The following HPGD variants were observed in gnomAD, a reference collection of about 807,000 sequenced individuals.
HPGD encodes the protein 15-hydroxyprostaglandin dehydrogenase [NAD(+)].
A neutral mutation model predicts 30.0 loss-of-function variants in HPGD; 29 were observed. The ratio of observed to expected loss-of-function variants is 0.97; its 90% CI spans 0.72 to 1.32. HPGD has a LOEUF of 1.32. Ranked by LOEUF, HPGD falls within the 40% of genes most tolerant of loss-of-function variation. HPGD has a pLI of 0.00. For missense variants in HPGD, 340 were observed against 322.1 expected, an observed-to-expected ratio of 1.06 and a Z score of -0.43; for synonymous variants, 99 against 112.4, an observed-to-expected ratio of 0.88 and a Z score of 0.75.
At chr4:174,513,474 C>A (rs1735615236) in intron 3 of HPGD, among the ~76,000 whole-genome samples, 2 of 147,818 alleles carry the variant, frequency 1.4e-5, no homozygotes, top group Non-Finnish European at 3.0e-5. Flanking sequence ...TTTTTTTTTA[C>A]CAGCATAAGA....
At chr4:174,512,598 A>G (rs1579296350) in intron 3 of HPGD, among the ~76,000 whole-genome samples, 1 of 152,346 alleles carries the variant, frequency 6.6e-6, no homozygotes, top group East Asian at 1.9e-4. Context: ...TATTTGCATT[A>G]CAGTAACAGA....
Position 174,508,292 on chromosome 4 carries a change from T to A in HPGD, c.421+404A>T, listed in dbSNP as rs1201874276. 2.2e-5 allele frequency: 13 copies of A among 587,508 alleles called. No individual in the cohort carries two copies. The South Asian group carries it at 3.0e-4, about 14-fold the overall frequency. The allele number at this position is 587,508 out of a possible 1,614,324, so 36.4% of individuals were successfully genotyped here. On this transcript the variant is annotated intron_variant, in intron 4 of 6. Transcript: ENST00000296522. ...TTTAACATATCTTAACTATGATATATGCCATATTTTAAAATTACACACTGT... is the reference window on the plus strand; with the variant it reads ...TTTAACATATCTTAACTATGATATAAGCCATATTTTAAAATTACACACTGT...
intron 6 of HPGD, 121 bp downstream of exon 6, chr4:174,493,030 C>T (rs1486338818): frequency 3.2e-6 from 3 of 949,726 alleles, no homozygotes; most frequent in East Asian, 2.7e-5. Context: ...TTTGCCAAAC[C>T]AAAAGTTTGA....
At chr4:174,510,940 C>T (rs1401835968) in intron 3 of HPGD, among the ~76,000 whole-genome samples, 2 of 152,042 alleles carry the variant, frequency 1.3e-5, no homozygotes, top group African/African-American at 4.8e-5. Context: ...CGTGCCTGGC[C>T]AGAAAATGTA....
intron 4 of HPGD, among the ~76,000 whole-genome samples, chr4:174,505,548 T>C (rs1735143500): frequency 6.6e-6 from 1 of 152,206 alleles, no homozygotes; most frequent in African/African-American, 2.4e-5. Flanking sequence ...CTCTTTTGCC[T>C]TCTCCCATTA....
At chr4:174,502,928 C>T (rs1484741732) in intron 4 of HPGD, among the ~76,000 whole-genome samples, 2 of 152,076 alleles carry the variant, frequency 1.3e-5, no homozygotes, top group Non-Finnish European at 2.9e-5. Flanking sequence ...GCGGTATCAC[C>T]TGGGAGCACA....
chr4:174,517,899 G>C lies in HPGD; in HGVS notation c.324+72C>G, dbSNP rs1427318181. On this transcript the variant is annotated intron_variant, in intron 3 of 6. Transcript: ENST00000296522. Reference sequence around the variant, plus strand: ...CATTGTTTTGTTTCCATGACTCCAAGAACCTTTTTTTCTTTACAAACATCA... The same window carrying C: ...CATTGTTTTGTTTCCATGACTCCAACAACCTTTTTTTCTTTACAAACATCA... The C allele has an allele frequency of 1.3e-5, 11 of 822,510 alleles. No individual in the cohort carries two copies. In the East Asian group the frequency reaches 2.7e-4, roughly 20 times the overall value. The allele number at this position is 822,510 out of a possible 1,614,324, so 51.0% of individuals were successfully genotyped here.
intron 4 of HPGD, among the ~76,000 whole-genome samples, chr4:174,502,487 G>A (rs1237649058): frequency 6.6e-6 from 1 of 151,976 alleles, no homozygotes. Flanking sequence ...GACCATCCTG[G>A]CTAACACGGT....
chr4:174,491,896 A>G lies in HPGD; in HGVS notation c.*60T>C. ...ATTTAAAAGCTATATTCAAATGAAGATAGGATCTGAATATAAGCTATTTGT... is the reference window on the plus strand; with the variant it reads ...ATTTAAAAGCTATATTCAAATGAAGGTAGGATCTGAATATAAGCTATTTGT... On this transcript the variant is annotated 3_prime_UTR_variant, in exon 7 of 7. Transcript: ENST00000296522. 2.1e-6 allele frequency: 3 copies of G among 1,396,350 alleles called. No homozygotes were observed. The Admixed American group carries it at 5.0e-5, about 23-fold the overall frequency. The allele number at this position is 1,396,350 out of a possible 1,614,324, so 86.5% of individuals were successfully genotyped here. A position where few individuals can be genotyped will look rare whatever the true frequency, so the allele number is the denominator to read the frequency against.
In HPGD at chr4:174,509,226, T is replaced by G. The variant is rs1027093847; in HGVS notation, c.325-434A>C. On this transcript the variant is annotated intron_variant, in intron 3 of 6. Transcript: ENST00000296522. ...TACTCTGTTTAATTCTCTTGGATCT[T>G]GGAATATAGAATAATGCTTACTCTT... Among the ~76,000 whole-genome samples the G allele has an allele frequency of 3.9e-5, 6 of 152,250 alleles. 1 individual carries two copies. In the East Asian group the frequency reaches 1.2e-3, roughly 29 times the overall value.
At chr4:174,501,378 C>T (rs1734891430) in intron 4 of HPGD, among the ~76,000 whole-genome samples, 1 of 152,104 alleles carries the variant, frequency 6.6e-6, no homozygotes, top group Admixed American at 6.5e-5. Flanking sequence ...TGAGAGCAGT[C>T]TCTGCTTTTA....
intron 4 of HPGD, chr4:174,508,214 T>C (rs1735281082): frequency 1.6e-6 from 1 of 614,578 alleles, no homozygotes; most frequent in Non-Finnish European, 3.0e-6. Context: ...CAGACTGATG[T>C]ACGAGTTAAG....
chr4:174,512,762 G>T (rs1863642), intron 3 of HPGD, among the ~76,000 whole-genome samples: 32,661 of 152,110 alleles, frequency 0.21, 4,332 homozygotes, highest in Non-Finnish European at 0.3. Flanking sequence ...TTCCTGATGT[G>T]AAGCTGAAAA....
At chr4:174,520,442 A>G (rs903796635) in intron 2 of HPGD, among the ~76,000 whole-genome samples, 1 of 152,254 alleles carries the variant, frequency 6.6e-6, no homozygotes, top group African/African-American at 2.4e-5. Flanking sequence ...GTTATAGGCA[A>G]CATTAAATCC....
chr4:174,513,498 A>G (rs996954417), intron 3 of HPGD, among the ~76,000 whole-genome samples: 3 of 152,046 alleles, frequency 2.0e-5, no homozygotes, highest in Non-Finnish European at 2.9e-5. Context: ...TTAAAGCTAT[A>G]TAATGCATTT....
intron 3 of HPGD, among the ~76,000 whole-genome samples, chr4:174,510,268 AT>A (rs3839192): frequency 0.13 from 19,306 of 152,268 alleles, 1,514 homozygotes; most frequent in East Asian, 0.4. Context: ...CCATGTGTCA[AT>A]TTGACAGTAA....
intron 3 of HPGD, among the ~76,000 whole-genome samples, chr4:174,510,996 T>G (rs1250223011): frequency 6.6e-6 from 1 of 152,206 alleles, no homozygotes; most frequent in African/African-American, 2.4e-5. Context: ...GAATAAATTC[T>G]ATGCAGTGGC....
At chr4:174,504,736 C>T (rs1363247019) in intron 4 of HPGD, among the ~76,000 whole-genome samples, 1 of 151,932 alleles carries the variant, frequency 6.6e-6, no homozygotes, top group African/African-American at 2.4e-5. Context: ...TTGCTTTAAC[C>T]TGAGAGGTGT....
intron 2 of HPGD, among the ~76,000 whole-genome samples, chr4:174,520,376 A>G (rs1285924430): frequency 6.6e-6 from 1 of 152,238 alleles, no homozygotes; most frequent in African/African-American, 2.4e-5. Context: ...ATTATCTCCA[A>G]GAAACTTTTC....
Sources: gnomAD v4.1 joint callset for allele counts (sites outside exome capture counted in the v4.1 genomes callset) on GRCh38, gnomAD v4.1.1 for gene constraint, MANE v1.5 for transcripts, NCBI Gene and HGNC (gene_info 2026-07-23, HGNC 2026-07-21) for gene names.